Variants in GTF2I observed in about 807,000 individuals in gnomAD.
GTF2I encodes the protein general transcription factor IIi.
Under a neutral mutation model 67.6 loss-of-function variants are expected in GTF2I, and 12 were observed. The observed-to-expected ratio is 0.18, with a 90% CI of 0.11 to 0.29. GTF2I has a LOEUF of 0.29. GTF2I is among the 10% of genes least tolerant of loss of function. The pLI, the probability that GTF2I is intolerant of heterozygous loss-of-function variation, is 1.00. For missense variants in GTF2I, 271 were observed against 580.1 expected (o/e 0.47, Z 5.47); for synonymous variants, 149 against 197.0 (o/e 0.76, Z 2.04).
chr7:74,749,985 T>G (rs1187444958), intron 26 of GTF2I, among the ~76,000 whole-genome samples: 28 of 139,180 alleles, frequency 2.0e-4, no homozygotes, highest in African/African-American at 6.9e-4. Flanking sequence ...ATAACGACTT[T>G]TGGTTGCTAA....
intron 1 of GTF2I, among the ~76,000 whole-genome samples, chr7:74,662,788 T>C (rs1419186564): frequency 6.6e-6 from 1 of 152,024 alleles, no homozygotes; most frequent in Non-Finnish European, 1.5e-5. Context: ...TCCCAAAGTG[T>C]TGGGCTTACA....
chr7:74,718,699 T>A (rs1260775930), intron 11 of GTF2I, among the ~76,000 whole-genome samples, 180 bp from the exon 12 acceptor site: 3 of 152,270 alleles, frequency 2.0e-5, no homozygotes, highest in African/African-American at 7.2e-5. Flanking sequence ...ATTTTTGTTT[T>A]CTTTTATCCC....
chr7:74,663,209 A>G (rs1804670744), intron 1 of GTF2I, among the ~76,000 whole-genome samples: 2 of 152,210 alleles, frequency 1.3e-5, no homozygotes, highest in South Asian at 4.1e-4. Context: ...CTGGGGTGGT[A>G]TAATTAACAC....
intron 12 of GTF2I, chr7:74,726,449 C>T (rs1434908623): frequency 1.3e-5 from 2 of 152,136 alleles, no homozygotes; most frequent in Non-Finnish European, 2.9e-5. Context: ...TAGGTTGGAA[C>T]CTTAATCTAT....
At chr7:74,700,199 T>C in intron 4 of GTF2I, 48 bp from the exon 5 acceptor site, 1 of 1,585,650 alleles carries the variant, frequency 6.3e-7, no homozygotes, top group Non-Finnish European at 8.6e-7. Flanking sequence ...GATTTCATTT[T>C]GTAATCTTAC....
At chr7:74,731,540 T>G (rs1794476610) in intron 14 of GTF2I, among the ~76,000 whole-genome samples, 1 of 112,514 alleles carries the variant, frequency 8.9e-6, no homozygotes, top group Non-Finnish European at 1.7e-5. Flanking sequence ...TTTTGTTTTT[T>G]GTTTTGTTGT....
chr7:74,722,265 G>A (rs1165421843), intron 12 of GTF2I, among the ~76,000 whole-genome samples: 2 of 152,186 alleles, frequency 1.3e-5, no homozygotes, highest in African/African-American at 4.8e-5. Context: ...TTTGTACTTG[G>A]AGTCGGTGGT....
intron 3 of GTF2I, 97 bp downstream of exon 3, chr7:74,691,208 C>CTTTTTTTT (rs368243097): frequency 1.1e-5 from 7 of 659,912 alleles, no homozygotes; most frequent in African/African-American, 4.0e-5. Flanking sequence ...TTCTTTCTTT[C>CTTTTTTTT]TTTTTTTTTT....
intron 2 of GTF2I, among the ~76,000 whole-genome samples, chr7:74,689,804 C>T (rs1788100587): frequency 6.6e-6 from 1 of 152,126 alleles, no homozygotes; most frequent in African/African-American, 2.4e-5. Flanking sequence ...CAACCTCTGC[C>T]CCCTGGGTTC....
intron 4 of GTF2I, 110 bp downstream of exon 4, chr7:74,699,205 C>T: frequency 4.0e-6 from 2 of 500,348 alleles, no homozygotes; most frequent in Non-Finnish European, 6.7e-6. Context: ...TTTTCAGTGA[C>T]TGAATGGATT....
chr7:74,681,904 C>G (rs1474996090), intron 1 of GTF2I, among the ~76,000 whole-genome samples: 6 of 151,150 alleles, frequency 4.0e-5, no homozygotes, highest in African/African-American at 1.2e-4. Context: ...AAGTGAGACT[C>G]CGTCTCAAAA....
At chr7:74,684,323 C>CT (rs1421518112) in intron 1 of GTF2I, among the ~76,000 whole-genome samples, 1 of 152,210 alleles carries the variant, frequency 6.6e-6, no homozygotes, top group Non-Finnish European at 1.5e-5. Context: ...GACGAGGCAA[C>CT]TGAGTACAGC....
At chr7:74,689,351 T>TC in intron 2 of GTF2I, 124 bp downstream of exon 2, 1 of 319,242 alleles carries the variant, frequency 3.1e-6, no homozygotes, top group Non-Finnish European at 5.6e-6. Flanking sequence ...TTCTTTACTT[T>TC]TTTTTTTTTT....
rs928690314 is a variant in GTF2I at position 74,714,731 on chromosome 7, T to A, written c.764-126T>A. ...TCATCTTGTCAGTCTTTTTTTTTTT[T>A]AATTTTTTTCTTTTTATTTATAAAA... On this transcript the variant is annotated intron_variant, in intron 9 of 34. Coordinates refer to ENST00000573035, the MANE Select transcript of GTF2I (RefSeq NM_032999.4). The A allele has an allele frequency of 7.5e-4, 423 of 565,220 alleles. No homozygotes were observed. In the East Asian group the frequency reaches 0.011, roughly 15 times the overall value. The allele number at this position is 565,220 out of a possible 1,614,324, so 35.0% of individuals were successfully genotyped here.
intron 7 of GTF2I, among the ~76,000 whole-genome samples, chr7:74,705,484 TA>T (rs1308493256): frequency 6.6e-6 from 1 of 152,152 alleles, no homozygotes; most frequent in East Asian, 1.9e-4. Flanking sequence ...TGCTATTCTG[TA>T]GTATTTTATT....
At chr7:74,698,182 C>G (rs1420845663) in intron 3 of GTF2I, among the ~76,000 whole-genome samples, 3 of 152,060 alleles carry the variant, frequency 2.0e-5, no homozygotes, top group Non-Finnish European at 2.9e-5. Flanking sequence ...GTCTCGATCT[C>G]CTGACCTCGT....
At chr7:74,693,866 G>A (rs1243389421) in intron 3 of GTF2I, among the ~76,000 whole-genome samples, 1 of 151,908 alleles carries the variant, frequency 6.6e-6, no homozygotes, top group Non-Finnish European at 1.5e-5. Flanking sequence ...AAGGAAATTA[G>A]GCCAATTAAT....
At chr7:74,714,814 T>TG (rs782519766) in intron 9 of GTF2I, 43 bp from the exon 10 acceptor site, 2 of 1,378,198 alleles carry the variant, frequency 1.5e-6, no homozygotes, top group South Asian at 1.3e-5. Flanking sequence ...ACATTTTTTT[T>TG]TGGGGGGGAT....
intron 3 of GTF2I, among the ~76,000 whole-genome samples, chr7:74,694,019 C>T (rs587723639): frequency 9.2e-5 from 14 of 152,172 alleles, no homozygotes; most frequent in Non-Finnish European, 1.8e-4. Flanking sequence ...GAACAGGTAG[C>T]CAGGTGGAGA....
Sources: gnomAD v4.1 joint callset for allele counts (sites outside exome capture counted in the v4.1 genomes callset) on GRCh38, gnomAD v4.1.1 for gene constraint, MANE v1.5 for transcripts, NCBI Gene and HGNC (gene_info 2026-07-23, HGNC 2026-07-21) for gene names.